The following GPC6 variants were observed in gnomAD, a reference collection of about 807,000 sequenced individuals.
GPC6 encodes the protein glypican-6.
GPC6 carries 14 observed loss-of-function variants against 55.2 expected under a neutral mutation model. That is an observed-to-expected ratio of 0.25 (90% CI 0.17 to 0.40). The LOEUF (loss-of-function observed/expected upper bound fraction) is 0.40. Ranked by LOEUF, GPC6 falls within the 10% of genes least tolerant of loss-of-function variation. The probability of loss-of-function intolerance (pLI) is 1.00; values close to 1 mark genes in which losing one functional copy is unlikely to be tolerated. For synonymous variants in GPC6, 278 were observed against 259.6 expected (o/e 1.07, Z -0.68); for missense variants, 641 against 708.5 (o/e 0.90, Z 1.08).
chr13:93,563,065 T>C (rs547038628), intron 2 of GPC6, among the ~76,000 whole-genome samples: 87 of 152,230 alleles, frequency 5.7e-4, no homozygotes, highest in Non-Finnish European at 1.1e-3. Flanking sequence ...CAGGCAACTC[T>C]ACCATTATGG....
intron 2 of GPC6, among the ~76,000 whole-genome samples, chr13:93,617,516 A>G (rs74111505): frequency 0.039 from 5,926 of 152,172 alleles, 386 homozygotes; most frequent in African/African-American, 0.13. Context: ...ATGGTAGCTC[A>G]GAAGCTTTCT....
chr13:93,263,326 TTTG>T (rs542911094), intron 1 of GPC6, among the ~76,000 whole-genome samples: 79 of 152,024 alleles, frequency 5.2e-4, no homozygotes, highest in African/African-American at 1.8e-3. Flanking sequence ...CTTGGAGTTT[TTTG>T]TTGTTGTTGT....
At chr13:93,537,112 C>T (rs190562004) in intron 1 of GPC6, among the ~76,000 whole-genome samples, 22 of 152,230 alleles carry the variant, frequency 1.4e-4, no homozygotes, top group African/African-American at 3.1e-4. Flanking sequence ...CCATCACCCG[C>T]GCCCCAAATA....
chr13:93,388,964 C>T (rs770546196), intron 1 of GPC6, among the ~76,000 whole-genome samples: 1 of 152,106 alleles, frequency 6.6e-6, no homozygotes, highest in Non-Finnish European at 1.5e-5. Flanking sequence ...CTTTCCCCTT[C>T]CTCTTTTATT....
intron 4 of GPC6, among the ~76,000 whole-genome samples, chr13:94,150,811 G>A (rs1887709760): frequency 1.4e-5 from 1 of 71,834 alleles, no homozygotes; most frequent in African/African-American, 7.3e-5. Context: ...AGAGAGATCA[G>A]CAGTATATAT....
At chr13:93,979,966 A>G (rs1461829962) in intron 3 of GPC6, among the ~76,000 whole-genome samples, 1 of 152,092 alleles carries the variant, frequency 6.6e-6, no homozygotes, top group East Asian at 1.9e-4. Flanking sequence ...AAGTACTAAG[A>G]AGATGTGACA....
chr13:93,663,030 C>A (rs1015072569), intron 2 of GPC6, among the ~76,000 whole-genome samples: 1 of 147,664 alleles, frequency 6.8e-6, no homozygotes, highest in East Asian at 2.0e-4. Flanking sequence ...TTGGTGGGAT[C>A]TATTCATTCA....
chr13:93,508,298 C>T (rs927890257), intron 1 of GPC6, among the ~76,000 whole-genome samples: 7 of 152,088 alleles, frequency 4.6e-5, no homozygotes, highest in African/African-American at 1.2e-4. Context: ...GATGTGTGAG[C>T]AGGAATTAGG....
intron 2 of GPC6, among the ~76,000 whole-genome samples, chr13:93,660,929 G>C (rs900073424): frequency 6.6e-6 from 1 of 152,170 alleles, no homozygotes; most frequent in African/African-American, 2.4e-5. Flanking sequence ...GAAATGAAAA[G>C]CACCTTCTCT....
At chr13:94,238,539 G>A (rs1422176620) in intron 4 of GPC6, among the ~76,000 whole-genome samples, 3 of 152,280 alleles carry the variant, frequency 2.0e-5, no homozygotes, top group East Asian at 1.9e-4. Context: ...TGGAGGGCAC[G>A]TTGGCCACTA....
At chr13:94,013,235 T>C (rs1594665894) in intron 3 of GPC6, among the ~76,000 whole-genome samples, 2 of 152,224 alleles carry the variant, frequency 1.3e-5, no homozygotes, top group East Asian at 3.9e-4. Flanking sequence ...TATATATATA[T>C]ATGTCCGTTT....
chr13:93,939,306 A>T (rs899122502), intron 3 of GPC6, among the ~76,000 whole-genome samples: 4 of 150,882 alleles, frequency 2.7e-5, no homozygotes, highest in Non-Finnish European at 5.9e-5. Context: ...TAAGGAAAAA[A>T]ATATAAAATT....
At chr13:93,988,042 C>G (rs1483027529) in intron 3 of GPC6, among the ~76,000 whole-genome samples, 1 of 152,126 alleles carries the variant, frequency 6.6e-6, no homozygotes, top group Admixed American at 6.6e-5. Context: ...TGCATCTACT[C>G]CTTCTTCACT....
chr13:93,801,173 T>C (rs184418201), intron 2 of GPC6, among the ~76,000 whole-genome samples: 2 of 152,316 alleles, frequency 1.3e-5, no homozygotes, highest in African/African-American at 4.8e-5. Flanking sequence ...GGATTGAGTA[T>C]CACAGCAGGC....
chr13:94,064,000 C>T (rs1884428614), intron 4 of GPC6, among the ~76,000 whole-genome samples: 1 of 152,128 alleles, frequency 6.6e-6, no homozygotes, highest in Admixed American at 6.5e-5. Context: ...CATCATAAAG[C>T]ATATGCCACC....
At chr13:93,453,875 G>T (rs941458319) in intron 1 of GPC6, among the ~76,000 whole-genome samples, 1 of 152,120 alleles carries the variant, frequency 6.6e-6, no homozygotes, top group Non-Finnish European at 1.5e-5. Flanking sequence ...CTTCCACAGT[G>T]TGGAAGGGGA....
intron 6 of GPC6, among the ~76,000 whole-genome samples, chr13:94,381,680 A>G (rs1880166074): frequency 6.6e-6 from 1 of 152,206 alleles, no homozygotes. Context: ...GACTTTCCCA[A>G]TGTTCATTAT....
At chr13:93,379,573 A>T (rs923316378) in intron 1 of GPC6, among the ~76,000 whole-genome samples, 2 of 152,206 alleles carry the variant, frequency 1.3e-5, no homozygotes, top group Non-Finnish European at 2.9e-5. Context: ...AATTTCATAT[A>T]TGCCTTGAAT....
chr13:93,523,170 TACACATACATATAC>T (rs1881495344), intron 1 of GPC6, among the ~76,000 whole-genome samples: 2 of 150,334 alleles, frequency 1.3e-5, no homozygotes, highest in South Asian at 4.2e-4. Context: ...TGTACATATA[TACACATACATATAC>T]ACATATATGG....
Sources: gnomAD v4.1 joint callset for allele counts (sites outside exome capture counted in the v4.1 genomes callset) on GRCh38, gnomAD v4.1.1 for gene constraint, MANE v1.5 for transcripts, NCBI Gene and HGNC (gene_info 2026-07-23, HGNC 2026-07-21) for gene names.